CRACR2A: variants seen among roughly 807,000 people sequenced by gnomAD.
CRACR2A encodes the protein calcium release activated channel regulator 2A.
A neutral mutation model predicts 90.5 loss-of-function variants in CRACR2A; 79 were observed. That is an observed-to-expected ratio of 0.87 (90% CI 0.73 to 1.05). CRACR2A has a LOEUF of 1.05. Among genes scored for constraint, CRACR2A ranks in the 50% least tolerant of loss-of-function variants. CRACR2A has a pLI of 0.00. For synonymous variants in CRACR2A, 338 were observed against 356.7 expected (o/e 0.95, Z 0.59); for missense variants, 823 against 897.2 (o/e 0.92, Z 1.06).
chr12:3,637,827 C>T (rs867560718), intron 14 of CRACR2A, among the ~76,000 whole-genome samples: 16 of 152,176 alleles, frequency 1.1e-4, no homozygotes, highest in African/African-American at 3.9e-4. Context: ...CACCCCTCTG[C>T]GAAGAAGTAG....
Position 3,615,335 on chromosome 12 carries a change from G to A in CRACR2A, c.*20C>T, listed in dbSNP as rs1242297016. ...CTCTGTGACCTCAGGTTTGCTGGGG[G>A]CAGTCCTTGTAGGACCCTATCAGCC... On this transcript the variant is annotated 3_prime_UTR_variant, in exon 20 of 20. Coordinates refer to ENST00000440314, the MANE Select transcript of CRACR2A (RefSeq NM_001144958.2). 5.8e-6 allele frequency: 9 copies of A among 1,548,510 alleles called. No homozygotes were observed. The South Asian group carries it at 6.0e-5, about 10-fold the overall frequency.
chr12:3,718,509 G>C (rs1391109288), intron 2 of CRACR2A, among the ~76,000 whole-genome samples: 1 of 152,224 alleles, frequency 6.6e-6, no homozygotes, highest in Non-Finnish European at 1.5e-5. Context: ...ATATGAAGGT[G>C]AGCACTTGAA....
At chr12:3,732,236 C>T (rs143905693) in intron 2 of CRACR2A, 2 of 152,300 alleles carry the variant, frequency 1.3e-5, no homozygotes, top group Non-Finnish European at 2.9e-5. Context: ...TGGCTGAGTA[C>T]CCGACCTTGT....
chr12:3,703,263 T>C (rs1037124964), intron 3 of CRACR2A, among the ~76,000 whole-genome samples: 3 of 152,172 alleles, frequency 2.0e-5, no homozygotes, highest in African/African-American at 7.2e-5. Flanking sequence ...TAATTTTTTA[T>C]ATTTTTAGTA....
intron 7 of CRACR2A, chr12:3,672,839 T>C: frequency 2.0e-6 from 2 of 982,234 alleles, no homozygotes; most frequent in Non-Finnish European, 2.4e-6. Context: ...GGAGAGGTCT[T>C]GGAGGCAAAT....
chr12:3,657,769 T>A (rs1271048609), intron 8 of CRACR2A, among the ~76,000 whole-genome samples: 1 of 152,180 alleles, frequency 6.6e-6, no homozygotes, highest in Non-Finnish European at 1.5e-5. Flanking sequence ...CCCATGATGA[T>A]GTGGCTGTAC....
chr12:3,741,806 T>G (rs1004956018), intron 1 of CRACR2A, among the ~76,000 whole-genome samples: 58 of 152,204 alleles, frequency 3.8e-4, no homozygotes, highest in African/African-American at 1.4e-3. Flanking sequence ...GGCAGGAGGA[T>G]AGGAGACATG....
chr12:3,680,640 T>C (rs1425662652), intron 4 of CRACR2A, among the ~76,000 whole-genome samples: 1 of 152,242 alleles, frequency 6.6e-6, no homozygotes, highest in Non-Finnish European at 1.5e-5. Flanking sequence ...TTAATTCCCA[T>C]GACAACACTC....
chr12:3,697,485 A>T (rs1328553048), intron 3 of CRACR2A, among the ~76,000 whole-genome samples: 1 of 152,204 alleles, frequency 6.6e-6, no homozygotes, highest in Non-Finnish European at 1.5e-5. Flanking sequence ...AGCAGTGTGA[A>T]AACTGAGGCT....
intron 3 of CRACR2A, among the ~76,000 whole-genome samples, chr12:3,703,737 A>T (rs1945870997): frequency 6.6e-6 from 1 of 152,232 alleles, no homozygotes; most frequent in African/African-American, 2.4e-5. Context: ...AAGAAAACAA[A>T]CAACCCACTT....
At chr12:3,710,068 A>C (rs993284999) in intron 3 of CRACR2A, among the ~76,000 whole-genome samples, 1 of 152,202 alleles carries the variant, frequency 6.6e-6, no homozygotes, top group Non-Finnish European at 1.5e-5. Flanking sequence ...GAACACTGCT[A>C]GGAAGACCTG....
At chr12:3,675,496 G>A (rs746298988) in intron 6 of CRACR2A, among the ~76,000 whole-genome samples, 46 of 152,180 alleles carry the variant, frequency 3.0e-4, no homozygotes, top group Non-Finnish European at 6.8e-4. Context: ...TAGTGCCATT[G>A]ACACTGTGTT....
chr12:3,630,046 A>T (rs1944352038), intron 15 of CRACR2A, among the ~76,000 whole-genome samples: 1 of 152,098 alleles, frequency 6.6e-6, no homozygotes, highest in African/African-American at 2.4e-5. Flanking sequence ...ACTGACCAGC[A>T]ACGTGACCTT....
At chr12:3,695,486 C>T (rs1945723941) in intron 4 of CRACR2A, among the ~76,000 whole-genome samples, 1 of 152,108 alleles carries the variant, frequency 6.6e-6, no homozygotes, top group East Asian at 1.9e-4. Context: ...AGTGGAATAG[C>T]TCCAGGAGAA....
intron 15 of CRACR2A, among the ~76,000 whole-genome samples, chr12:3,628,220 C>T (rs1247126373): frequency 2.1e-5 from 3 of 139,708 alleles, no homozygotes; most frequent in Non-Finnish European, 3.2e-5. Flanking sequence ...TCTCTTCCTT[C>T]CTTTCTCTCT....
intron 1 of CRACR2A, among the ~76,000 whole-genome samples, chr12:3,745,852 A>AAATAAAATAAAATAAAAT (rs1946617746): frequency 2.0e-5 from 3 of 146,916 alleles, no homozygotes; most frequent in Admixed American, 6.8e-5. Flanking sequence ...AGAGAAAAGA[A>AAATAAAATAAAATAAAAT]AAAAGAAATA....
intron 4 of CRACR2A, 132 bp downstream of exon 4, chr12:3,696,640 T>A (rs1945744655): frequency 7.6e-7 from 1 of 1,321,822 alleles, no homozygotes; most frequent in South Asian, 1.4e-5. Flanking sequence ...TTTGGGCAGA[T>A]CCTTCCTTCC....
chr12:3,627,640 G>T lies in CRACR2A; in HGVS notation c.1802C>A (p.Thr601Lys), dbSNP rs1185747181. Residue 601 changes from threonine (T) to lysine (K), a missense_variant, in exon 16 of 20, where the codon ACG (threonine) becomes AAG (lysine). Coordinates refer to ENST00000440314, the MANE Select transcript of CRACR2A (RefSeq NM_001144958.2). The part of the protein sequence containing the change: ...NSQVALQLWD[T>K]AGQERYRCIT... ...AGCTCCTCACCTCTCCTGCCCAGCC[G>T]TGTCCCACAGCTGCAGGGCCACCTG... 1.3e-6 allele frequency: 2 copies of T among 1,551,750 alleles called. No individual in the cohort carries two copies. Among genetic ancestry groups the T allele is most frequent in the South Asian group, 2.4e-5 (2 of 84,066 alleles).
At chr12:3,670,814 T>C (rs1031604651) in intron 7 of CRACR2A, among the ~76,000 whole-genome samples, 1 of 152,168 alleles carries the variant, frequency 6.6e-6, no homozygotes, top group African/African-American at 2.4e-5. Flanking sequence ...TGCAGTTCTC[T>C]GGTTCTGCAT....
Sources: allele counts gnomAD v4.1 joint callset (sites outside exome capture counted in the v4.1 genomes callset), GRCh38; gene constraint gnomAD v4.1.1; transcripts MANE v1.5; gene names NCBI Gene and HGNC (gene_info 2026-07-23, HGNC 2026-07-21).